Variants in ZNF431 observed in about 807,000 individuals in gnomAD.
ZNF431 encodes zinc finger protein 431.
In ZNF431, 34 loss-of-function variants were observed where a neutral mutation model predicts 57.0. The observed-to-expected ratio is 0.60, with a 90% CI of 0.45 to 0.79. ZNF431 has a LOEUF of 0.79. ZNF431 is among the 30% of genes least tolerant of loss of function. The pLI is 0.00. For synonymous variants in ZNF431, 207 were observed against 220.3 expected (o/e 0.94, Z 0.54); for missense variants, 607 against 667.1 (o/e 0.91, Z 0.99).
chr19:21,162,308 G>A (rs1167858205), intron 2 of ZNF431, among the ~76,000 whole-genome samples: 3 of 152,012 alleles, frequency 2.0e-5, no homozygotes, highest in African/African-American at 7.2e-5. Context: ...TGAGTAGCTG[G>A]GATTACAGGC....
chr19:21,150,395 G>A (rs556343139), intron 2 of ZNF431: 27 of 325,604 alleles, frequency 8.3e-5, no homozygotes, highest in Admixed American at 2.3e-4. Context: ...AACAGCAGGG[G>A]TTGGAGCCAC....
intron 3 of ZNF431, among the ~76,000 whole-genome samples, chr19:21,166,963 C>T (rs998653944): frequency 5.9e-5 from 9 of 151,958 alleles, no homozygotes; most frequent in African/African-American, 1.7e-4. Context: ...TGGGTTCAAG[C>T]GATTCTCCTG....
intron 4 of ZNF431, among the ~76,000 whole-genome samples, chr19:21,170,349 G>A (rs747467800): frequency 6.6e-6 from 1 of 152,054 alleles, no homozygotes; most frequent in Non-Finnish European, 1.5e-5. Context: ...TTTTTGTGGC[G>A]AGGATAATCA....
chr19:21,171,329 A>C (rs536240722), intron 4 of ZNF431, among the ~76,000 whole-genome samples: 1 of 150,588 alleles, frequency 6.6e-6, no homozygotes, highest in Non-Finnish European at 1.5e-5. Context: ...AATGTTGCAT[A>C]CCAGATTTTA....
intron 2 of ZNF431, among the ~76,000 whole-genome samples, chr19:21,155,804 A>G (rs137959742): frequency 3.3e-4 from 51 of 152,244 alleles, no homozygotes; most frequent in African/African-American, 1.2e-3. Flanking sequence ...AGCAAACTCT[A>G]CAGATTTGGT....
chr19:21,174,495 C>T (rs75505643), intron 4 of ZNF431, among the ~76,000 whole-genome samples: 1,909 of 152,136 alleles, frequency 0.013, 35 homozygotes, highest in South Asian at 0.047. Flanking sequence ...TATATAATAT[C>T]GTGTTTGTCC....
intron 4 of ZNF431, among the ~76,000 whole-genome samples, chr19:21,179,031 G>A (rs527380009): frequency 2.0e-5 from 3 of 151,924 alleles, no homozygotes; most frequent in Non-Finnish European, 4.4e-5. Flanking sequence ...GGCTGTTCCC[G>A]CCTCAATTTC....
At chr19:21,152,047 T>C (rs1970289562) in intron 2 of ZNF431, among the ~76,000 whole-genome samples, 1 of 152,180 alleles carries the variant, frequency 6.6e-6, no homozygotes, top group African/African-American at 2.4e-5. Context: ...AAATTATCTT[T>C]TTCTGGCCAG....
chr19:21,143,493 G>A (rs2144912078), intron 1 of ZNF431, 58 bp from the exon 2 acceptor site: 1 of 1,343,810 alleles, frequency 7.4e-7, no homozygotes, highest in East Asian at 2.3e-5. Context: ...TATCCACCGT[G>A]GTTATGTCAG....
intron 4 of ZNF431, among the ~76,000 whole-genome samples, chr19:21,173,459 TG>T (rs1222584730): frequency 2.0e-5 from 3 of 152,230 alleles, no homozygotes; most frequent in African/African-American, 7.2e-5. Context: ...TTAAAAAACA[TG>T]TAGTATATTT....
Position 21,172,782 on chromosome 19 carries a change from A to C in ZNF431, c.319+5116A>C, listed in dbSNP as rs1367729572. Among the ~76,000 whole-genome samples the C allele has an allele frequency of 2.6e-5, 4 of 152,190 alleles. No individual in the cohort carries two copies. The East Asian group carries it at 7.7e-4, about 29-fold the overall frequency. ...CGCTGCACTTTAGCTTGGGTGACAA[A>C]GTGGACCCTGTCTTAAAAAGAAGCT... On this transcript the variant is annotated intron_variant, in intron 4 of 4. Coordinates refer to ENST00000311048, the MANE Select transcript of ZNF431 (RefSeq NM_133473.4).
chr19:21,189,587 A>G lies in ZNF431; in HGVS notation c.*5553A>G, dbSNP rs1412867869. On this transcript the variant is annotated 3_prime_UTR_variant, in exon 5 of 5. Coordinates refer to ENST00000311048, the MANE Select transcript of ZNF431 (RefSeq NM_133473.4). The stretch of plus-strand genomic sequence containing the variant: ...TACATTATTATGAACTATAGTCACC[A>G]TGTTGTGCAATAAATCTCTTGAACT... 2 of 276,596 alleles carry G rather than the reference A, an allele frequency of 7.2e-6. No homozygotes were observed. Among genetic ancestry groups the G allele is most frequent in the African/African-American group, 2.2e-5 (1 of 45,776 alleles). The allele number at this position is 276,596 out of a possible 1,614,324, so 17.1% of individuals were successfully genotyped here.
intron 2 of ZNF431, among the ~76,000 whole-genome samples, chr19:21,165,452 T>G (rs893291213): frequency 6.6e-6 from 1 of 152,230 alleles, no homozygotes; most frequent in African/African-American, 2.4e-5. Flanking sequence ...GATTTTTTAA[T>G]GGTTAAATTC....
intron 4 of ZNF431, among the ~76,000 whole-genome samples, chr19:21,181,463 A>C (rs1372387661): frequency 6.6e-6 from 1 of 152,110 alleles, no homozygotes; most frequent in African/African-American, 2.4e-5. Context: ...GCTATCTCAT[A>C]AGACTATGCT....
intron 2 of ZNF431, chr19:21,162,758 A>C: frequency 1.0e-6 from 1 of 985,418 alleles, no homozygotes; most frequent in Non-Finnish European, 1.2e-6. Context: ...AAAGCAGGTA[A>C]ATGAGAAAAA....
chr19:21,150,632 G>A (rs1013592842), intron 2 of ZNF431, among the ~76,000 whole-genome samples: 2 of 152,170 alleles, frequency 1.3e-5, no homozygotes, highest in Non-Finnish European at 2.9e-5. Context: ...GAGAGAATTA[G>A]TTAATCCCAA....
In ZNF431 at chr19:21,192,803, G is replaced by A. The variant is rs985296970; in HGVS notation, c.*8769G>A. 2.6e-5 allele frequency: 4 copies of A among 152,116 alleles called. No homozygotes were observed. The highest frequency in any genetic ancestry group is 4.4e-5 in the Non-Finnish European group (3 of 68,026). 9.4% of individuals were successfully genotyped at this position (152,116 alleles called of 1,614,324 possible). On this transcript the variant is annotated 3_prime_UTR_variant, in exon 5 of 5. Transcript: ENST00000311048. ...TTTCAGCGATTTATCATAAGGGAAT[G>A]TCAAATTCTGTCAAACTTCTATTGT... is the stretch of plus-strand genomic sequence containing the variant.
At chr19:21,172,449 AAAAG>A (rs1970929287) in intron 4 of ZNF431, among the ~76,000 whole-genome samples, 1 of 151,790 alleles carries the variant, frequency 6.6e-6, no homozygotes, top group Non-Finnish European at 1.5e-5. Context: ...AAAAGAAAGA[AAAAG>A]AAACAATAAA....
At chr19:21,167,303 G>C (rs550159572) in intron 3 of ZNF431, among the ~76,000 whole-genome samples, 1 of 151,516 alleles carries the variant, frequency 6.6e-6, no homozygotes, top group Non-Finnish European at 1.5e-5. Flanking sequence ...GGGACTACAG[G>C]CACCTGCCAC....
Sources: gnomAD v4.1 joint callset for allele counts (sites outside exome capture counted in the v4.1 genomes callset) on GRCh38, gnomAD v4.1.1 for gene constraint, MANE v1.5 for transcripts, NCBI Gene and HGNC (gene_info 2026-07-23, HGNC 2026-07-21) for gene names.